ASTN1: variants seen among roughly 807,000 people sequenced by gnomAD.
ASTN1 encodes the protein astrotactin-1.
A neutral mutation model predicts 140.7 loss-of-function variants in ASTN1; 41 were observed. The ratio of observed to expected loss-of-function variants is 0.29; its 90% confidence interval spans 0.23 to 0.38. The LOEUF is 0.38. Ranked by LOEUF, ASTN1 falls within the 10% of genes least tolerant of loss-of-function variation. ASTN1 has a pLI of 1.00. For synonymous variants in ASTN1, 640 were observed against 652.2 expected (o/e 0.98, Z 0.29); for missense variants, 1,479 against 1,678.8 (o/e 0.88, Z 2.08).
intron 8 of ASTN1, among the ~76,000 whole-genome samples, chr1:177,005,847 GTTCCACTCGCCTT>G (rs1674968887): frequency 2.6e-5 from 4 of 152,166 alleles, no homozygotes; most frequent in Non-Finnish European, 2.9e-5. Context: ...GATGTCAGGT[GTTCCACTCGCCTT>G]GACCTCCCAA....
intron 2 of ASTN1, among the ~76,000 whole-genome samples, chr1:177,041,329 CA>C (rs1489541327): frequency 6.6e-6 from 1 of 152,212 alleles, no homozygotes; most frequent in African/African-American, 2.4e-5. Context: ...GCTGGCCCCA[CA>C]TATAACCCAT....
rs529297875 is a variant in ASTN1, at chr1:176,879,282, C to T, written c.3363-2645G>A. ...GTGCCCCATCCCCTGTCATTCTGGC[C>T]CTGCTCTGCCTGTTCCTGCCTGACT... On this transcript the variant is annotated intron_variant, in intron 20 of 22. Coordinates refer to ENST00000361833, the MANE Select transcript of ASTN1 (RefSeq NM_004319.3). Among the ~76,000 whole-genome samples, 6 of 152,258 alleles carry T rather than the reference C, an allele frequency of 3.9e-5. No homozygotes were observed. In the South Asian group the frequency reaches 1.2e-3, roughly 32 times the overall value.
chr1:177,033,051 C>A (rs1676528078), intron 2 of ASTN1, among the ~76,000 whole-genome samples: 1 of 151,798 alleles, frequency 6.6e-6, no homozygotes, highest in African/African-American at 2.4e-5. Context: ...AAAAATGGAG[C>A]TGGGATGACC....
At chr1:177,150,315 T>C (rs997367832) in intron 1 of ASTN1, among the ~76,000 whole-genome samples, 46 of 152,046 alleles carry the variant, frequency 3.0e-4, no homozygotes, top group African/African-American at 1.0e-3. Flanking sequence ...ATAACTATGG[T>C]ACCTTGAATG....
intron 21 of ASTN1, 66 bp from the exon 22 acceptor site, chr1:176,869,093 ATT>A: frequency 9.0e-7 from 1 of 1,113,488 alleles, no homozygotes. Context: ...ATATACACAC[ATT>A]ATATATGATC....
intron 2 of ASTN1, among the ~76,000 whole-genome samples, chr1:177,049,506 A>G (rs1354006561): frequency 6.6e-6 from 1 of 152,192 alleles, no homozygotes; most frequent in Non-Finnish European, 1.5e-5. Context: ...TTTTGAGAAC[A>G]CTTATCTCAT....
At chr1:177,020,690 T>A (rs953469593) in intron 7 of ASTN1, among the ~76,000 whole-genome samples, 3 of 152,198 alleles carry the variant, frequency 2.0e-5, no homozygotes, top group Admixed American at 2.0e-4. Context: ...AATGTGGACA[T>A]TTTTGGGAGT....
At chr1:176,893,582 T>TG (rs1167134675) in intron 17 of ASTN1, among the ~76,000 whole-genome samples, 8 of 152,264 alleles carry the variant, frequency 5.3e-5, no homozygotes, top group African/African-American at 1.9e-4. Context: ...TCCCTCCTGT[T>TG]GGTCTGGGCA....
At chr1:176,888,888 T>C (rs1669150757) in intron 17 of ASTN1, among the ~76,000 whole-genome samples, 1 of 152,132 alleles carries the variant, frequency 6.6e-6, no homozygotes, top group Non-Finnish European at 1.5e-5. Context: ...AATAATAAAA[T>C]GGGATAAAAA....
chr1:176,913,164 T>G (rs1339888067), intron 16 of ASTN1, among the ~76,000 whole-genome samples: 1 of 152,240 alleles, frequency 6.6e-6, no homozygotes, highest in Non-Finnish European at 1.5e-5. Flanking sequence ...TCTTCTTGTT[T>G]AAAGGTAATT....
rs546586005 is a variant in ASTN1 at position 176,934,729 on chromosome 1, C to A, written c.2483-389G>T. ...ATAGTCTAAAACAGAAACACAAATA[C>A]CAGCCGAGAACATTTCACATCGTGA... On this transcript the variant is annotated intron_variant, in intron 15 of 22. Transcript: ENST00000361833. Among the ~76,000 whole-genome samples, 11 of 151,654 alleles carry A rather than the reference C, an allele frequency of 7.3e-5. No individual in the cohort carries two copies. The South Asian group carries it at 1.9e-3, about 26-fold the overall frequency.
chr1:177,149,267 T>TAGTA (rs1400320508), intron 1 of ASTN1, among the ~76,000 whole-genome samples: 5 of 92,410 alleles, frequency 5.4e-5, no homozygotes, highest in Non-Finnish European at 7.5e-5. Flanking sequence ...AATATATATA[T>TAGTA]ACTATATATA....
chr1:177,164,483 T>G lies in ASTN1; in HGVS notation c.194A>C (p.Lys65Thr). 6.2e-7 allele frequency: 1 copy of G among 1,613,532 alleles called. No individual in the cohort carries two copies. The highest frequency in any genetic ancestry group is 8.5e-7 in the Non-Finnish European group (1 of 1,179,860). ...IMHSPSASEPKLLFSVRNDFP... is the reference protein window; with the variant it reads ...IMHSPSASEPTLLFSVRNDFP... Reference sequence around the variant, plus strand: ...GTCGTTGCGCACCGAGAAGAGGAGCTTGGGCTCCGAGGCCGAGGGGCTGTG... The same window carrying G: ...GTCGTTGCGCACCGAGAAGAGGAGCGTGGGCTCCGAGGCCGAGGGGCTGTG... Residue 65 changes from lysine (K) to threonine (T), a missense_variant, in exon 1 of 23, where the codon AAG becomes ACG. Transcript: ENST00000361833.
chr1:176,953,707 A>T (rs151142305), intron 11 of ASTN1, among the ~76,000 whole-genome samples: 33 of 152,306 alleles, frequency 2.2e-4, no homozygotes, highest in Middle Eastern at 3.4e-3. Context: ...TGTAGATAGC[A>T]TGTGGAGGGA....
chr1:177,158,387 T>G (rs1571864787), intron 1 of ASTN1, among the ~76,000 whole-genome samples: 1 of 152,202 alleles, frequency 6.6e-6, no homozygotes, highest in African/African-American at 2.4e-5. Flanking sequence ...TTTTTAAGAA[T>G]AATAAAATGA....
chr1:177,117,850 T>C (rs1681174806), intron 1 of ASTN1, among the ~76,000 whole-genome samples: 1 of 152,198 alleles, frequency 6.6e-6, no homozygotes, highest in Non-Finnish European at 1.5e-5. Context: ...TCTATGTAAA[T>C]GTTACTTCCT....
At chr1:177,065,221 C>T (rs960881594) in intron 1 of ASTN1, among the ~76,000 whole-genome samples, 8 of 152,164 alleles carry the variant, frequency 5.3e-5, no homozygotes, top group East Asian at 1.9e-4. Context: ...GGCATCATCA[C>T]GCTGTGGGAC....
At chr1:176,893,516 G>T (rs1040672821) in intron 17 of ASTN1, among the ~76,000 whole-genome samples, 2 of 152,142 alleles carry the variant, frequency 1.3e-5, no homozygotes, top group Admixed American at 6.5e-5. Flanking sequence ...TCAAACACTC[G>T]GTGAAATATC....
chr1:177,012,945 C>T (rs967844535), intron 8 of ASTN1, among the ~76,000 whole-genome samples: 1 of 152,208 alleles, frequency 6.6e-6, no homozygotes, highest in Non-Finnish European at 1.5e-5. Flanking sequence ...AACCACAGTC[C>T]ACCGCAATTC....
Sources: gnomAD v4.1 joint callset for allele counts (sites outside exome capture counted in the v4.1 genomes callset) on GRCh38, gnomAD v4.1.1 for gene constraint, MANE v1.5 for transcripts, NCBI Gene and HGNC (gene_info 2026-07-23, HGNC 2026-07-21) for gene names.